PDZD2: variants seen among roughly 807,000 people sequenced by gnomAD.
PDZD2 encodes PDZ domain-containing protein 2.
In PDZD2, 90 loss-of-function variants were observed where a neutral mutation model predicts 220.7. That is an observed-to-expected ratio of 0.41 (90% CI 0.34 to 0.49). The LOEUF (loss-of-function observed/expected upper bound fraction) is 0.49. Among genes scored for constraint, PDZD2 ranks in the 20% least tolerant of loss-of-function variants. The pLI, the probability that PDZD2 is intolerant of heterozygous loss-of-function variation, is 0.28. For missense variants in PDZD2, 3,174 were observed against 3,608.5 expected, an observed-to-expected ratio of 0.88 and a Z score of 3.08; for synonymous variants, 1,375 against 1,450.5, an observed-to-expected ratio of 0.95 and a Z score of 1.18.
chr5:32,076,874 T>C (rs960203525), intron 18 of PDZD2, among the ~76,000 whole-genome samples: 4 of 152,232 alleles, frequency 2.6e-5, no homozygotes, highest in African/African-American at 9.6e-5. Flanking sequence ...AGACATATTA[T>C]CCCTTTCACC....
chr5:31,856,762 C>T (rs1758480799), intron 2 of PDZD2, among the ~76,000 whole-genome samples: 1 of 152,106 alleles, frequency 6.6e-6, no homozygotes, highest in South Asian at 2.1e-4. Flanking sequence ...CTGCTCTCCC[C>T]TTTTGCCTTC....
Position 32,091,019 on chromosome 5 carries a change from C to T in PDZD2, c.7571C>T (p.Pro2524Leu), listed in dbSNP as rs760441037. The T allele has an allele frequency of 1.9e-6, 3 of 1,613,868 alleles. No individual in the cohort carries two copies. Among genetic ancestry groups the T allele is most frequent in the Non-Finnish European group, 2.5e-6 (3 of 1,179,920 alleles). The change falls in exon 20 of 25, where the codon CCT becomes CTT. Residue 2524 changes from proline to leucine, a missense_variant. Around this residue, in one of 4 missense-constraint regions of PDZD2, gnomAD observed 631 missense variants for 789.9 expected, o/e 0.80. Transcript: ENST00000438447. ...ATCACCCCCAGGAGGTCACCTGGCC[C>T]TCCTGCTGGAGGCGTTTCGTGTCCC... is the stretch of plus-strand genomic sequence containing the variant. ...LEITPRRSPG[P>L]PAGGVSCPEK...
chr5:31,690,949 C>T (rs1472570653), intron 1 of PDZD2, among the ~76,000 whole-genome samples: 7 of 152,242 alleles, frequency 4.6e-5, no homozygotes, highest in Middle Eastern at 3.4e-3. Flanking sequence ...GTAAAAAGTA[C>T]GGGCGAGTCT....
chr5:31,898,808 C>CTTTTTTTTTTTTTT (rs35589628), intron 2 of PDZD2, among the ~76,000 whole-genome samples: 2,050 of 122,716 alleles, frequency 0.017, no homozygotes, highest in Non-Finnish European at 0.025. Context: ...AGCCTCTCTT[C>CTTTTTTTTTTTTTT]TTTTTTTTTT....
chr5:32,006,021 C>T (rs1440907243), intron 5 of PDZD2, among the ~76,000 whole-genome samples: 1 of 151,922 alleles, frequency 6.6e-6, no homozygotes, highest in South Asian at 2.1e-4. Context: ...GTGGCGTGCA[C>T]CTGTAATCCC....
intron 2 of PDZD2, among the ~76,000 whole-genome samples, chr5:31,850,454 T>C (rs1446324987): frequency 6.6e-6 from 1 of 151,516 alleles, no homozygotes. Context: ...TGGAACGCTA[T>C]AGTTCTAGAA....
At position 32,108,246 on chromosome 5, in the gene PDZD2, A is replaced by G. The variant is rs2111770237; in HGVS notation, c.*111A>G. ...CAACACTGGTACAGACACGGACTAT[A>G]AAAATCTCCAAGCTTGTGCTTACAC... On this transcript the variant is annotated 3_prime_UTR_variant, in exon 25 of 25. Transcript: ENST00000438447. 3.1e-6 allele frequency: 2 copies of G among 637,146 alleles called. No individual in the cohort carries two copies. The highest frequency in any genetic ancestry group is 2.9e-5 in the East Asian group (1 of 34,742). 39.5% of individuals were successfully genotyped at this position (637,146 alleles called of 1,614,324 possible).
chr5:31,979,228 C>T (rs1406237378), intron 2 of PDZD2, among the ~76,000 whole-genome samples: 3 of 152,132 alleles, frequency 2.0e-5, no homozygotes, highest in Non-Finnish European at 4.4e-5. Context: ...AAATCTTTTT[C>T]AGGATGATCG....
intron 2 of PDZD2, chr5:31,840,940 G>T: frequency 2.1e-6 from 1 of 466,146 alleles, no homozygotes; most frequent in Non-Finnish European, 3.8e-6. Context: ...AACATACTGG[G>T]TGTCTCTCCT....
rs562263331 is a variant in PDZD2 at position 31,815,821 on chromosome 5, A to T, written c.476+16097A>T. Reference sequence around the variant, plus strand: ...TGTAAAAACTTAAATGTGTAAATAAATTTTTTTTTTAAATTTAGGTAAGGT... The same window carrying T: ...TGTAAAAACTTAAATGTGTAAATAATTTTTTTTTTTAAATTTAGGTAAGGT... On this transcript the variant is annotated intron_variant, in intron 2 of 24. Coordinates refer to ENST00000438447, the MANE Select transcript of PDZD2 (RefSeq NM_178140.4). Among the ~76,000 whole-genome samples the T allele has an allele frequency of 9.9e-5, 15 of 152,046 alleles. No homozygotes were observed. In the East Asian group the frequency reaches 2.9e-3, roughly 29 times the overall value.
At chr5:31,746,544 G>A (rs12657588) in intron 1 of PDZD2, among the ~76,000 whole-genome samples, 21,673 of 152,106 alleles carry the variant, frequency 0.14, 1,592 homozygotes, top group African/African-American at 0.17. Context: ...CAAAGGGCAC[G>A]GTGACCAGTG....
intron 2 of PDZD2, among the ~76,000 whole-genome samples, chr5:31,953,820 T>G (rs1450714577): frequency 6.6e-6 from 1 of 151,982 alleles, no homozygotes; most frequent in Non-Finnish European, 1.5e-5. Flanking sequence ...CCCAGCTAAT[T>G]TTTGTATTTT....
At chr5:31,788,811 G>A (rs1753537094) in intron 1 of PDZD2, among the ~76,000 whole-genome samples, 1 of 152,202 alleles carries the variant, frequency 6.6e-6, no homozygotes, top group South Asian at 2.1e-4. Context: ...GCACAACTAT[G>A]CTAATGTATC....
At chr5:31,824,619 G>A (rs186960125) in intron 2 of PDZD2, among the ~76,000 whole-genome samples, 60 of 151,866 alleles carry the variant, frequency 4.0e-4, no homozygotes, top group African/African-American at 1.4e-3. Flanking sequence ...GGGTGTTCAC[G>A]GCCGTGTGTG....
chr5:31,692,356 T>A (rs1747178905), intron 1 of PDZD2, among the ~76,000 whole-genome samples: 1 of 152,182 alleles, frequency 6.6e-6, no homozygotes, highest in East Asian at 1.9e-4. Flanking sequence ...CCTCCAAACC[T>A]CCCTGAAAGC....
At chr5:31,848,794 A>T (rs551093923) in intron 2 of PDZD2, among the ~76,000 whole-genome samples, 1 of 151,444 alleles carries the variant, frequency 6.6e-6, no homozygotes, top group East Asian at 1.9e-4. Context: ...TCACACCTGT[A>T]ATCCCAGCAC....
intron 2 of PDZD2, among the ~76,000 whole-genome samples, chr5:31,865,316 T>G (rs903039934): frequency 6.6e-6 from 1 of 151,990 alleles, no homozygotes; most frequent in Non-Finnish European, 1.5e-5. Context: ...TTTTGTTTTG[T>G]TTTTGGCTTT....
At chr5:31,685,375 A>T (rs544993300) in intron 1 of PDZD2, among the ~76,000 whole-genome samples, 1 of 152,194 alleles carries the variant, frequency 6.6e-6, no homozygotes, top group African/African-American at 2.4e-5. Context: ...CAGGTTTTTT[A>T]AAAGAACTTT....
chr5:31,983,777 AT>A, intron 3 of PDZD2, 121 bp downstream of exon 3: 1 of 1,046,924 alleles, frequency 9.6e-7, no homozygotes, highest in South Asian at 1.6e-5. Flanking sequence ...TGAAAGAAAT[AT>A]TGTTTGAAGT....
Sources: gnomAD v4.1 joint callset for allele counts (sites outside exome capture counted in the v4.1 genomes callset) on GRCh38, gnomAD v4.1.1 for gene constraint, gnomAD v4.1.1 regional missense constraint, MANE v1.5 for transcripts, NCBI Gene and HGNC (gene_info 2026-07-23, HGNC 2026-07-21) for gene names.